The following SPIRE1 variants were observed in gnomAD, a reference collection of about 807,000 sequenced individuals.
The protein encoded by SPIRE1 is protein spire homolog 1.
A neutral mutation model predicts 94.1 loss-of-function variants in SPIRE1; 40 were observed. The ratio of observed to expected loss-of-function variants is 0.43; its 90% confidence interval spans 0.33 to 0.55. The LOEUF (loss-of-function observed/expected upper bound fraction) is 0.55. SPIRE1 is among the 20% of genes least tolerant of loss of function. The pLI, the probability that SPIRE1 is intolerant of heterozygous loss-of-function variation, is 0.06. For synonymous variants in SPIRE1, 376 were observed against 371.7 expected (o/e 1.01, Z -0.13); for missense variants, 838 against 975.2 (o/e 0.86, Z 1.87).
chr18:12,549,088 A>G (rs1034232757), intron 2 of SPIRE1, among the ~76,000 whole-genome samples: 29 of 152,178 alleles, frequency 1.9e-4, no homozygotes, highest in Admixed American at 1.9e-3. Flanking sequence ...TTGCTCTCAC[A>G]GCATGTACCA....
At chr18:12,477,222 G>A (rs965892510) in intron 10 of SPIRE1, among the ~76,000 whole-genome samples, 2 of 152,172 alleles carry the variant, frequency 1.3e-5, no homozygotes, top group African/African-American at 4.8e-5. Flanking sequence ...CTGTGGGGGT[G>A]CAGGAAGGTA....
At chr18:12,487,725 T>A (rs180939091) in intron 8 of SPIRE1, among the ~76,000 whole-genome samples, 1 of 152,304 alleles carries the variant, frequency 6.6e-6, no homozygotes, top group Admixed American at 6.5e-5. Flanking sequence ...ATTATTTATT[T>A]CCTGTTGAAG....
At chr18:12,556,086 A>C (rs2035495426) in intron 2 of SPIRE1, among the ~76,000 whole-genome samples, 1 of 152,194 alleles carries the variant, frequency 6.6e-6, no homozygotes, top group Non-Finnish European at 1.5e-5. Context: ...TACAAAAAAA[A>C]AATACCTAGG....
intron 2 of SPIRE1, among the ~76,000 whole-genome samples, chr18:12,592,433 G>A (rs1440624578): frequency 6.6e-6 from 1 of 152,136 alleles, no homozygotes; most frequent in East Asian, 1.9e-4. Flanking sequence ...AAAATGAGAA[G>A]ATTTATAAAT....
At chr18:12,654,633 C>T (rs1487728596) in intron 1 of SPIRE1, among the ~76,000 whole-genome samples, 4 of 151,238 alleles carry the variant, frequency 2.6e-5, no homozygotes, top group Admixed American at 6.6e-5. Context: ...CCAGCCTGGG[C>T]GACTGAGCGA....
rs184017857 is a variant in SPIRE1, at chr18:12,601,562, C to G, written c.372+33500G>C. 3.3e-5 allele frequency among the ~76,000 whole-genome samples: 5 copies of G among 152,288 alleles called. No homozygotes were observed. The East Asian group carries it at 9.6e-4, about 29-fold the overall frequency. ...TAAAAATATGCAACCATCACCACCA[C>G]CACATAATTTTAGAATTTGAATTTT... On this transcript the variant is annotated intron_variant, in intron 2 of 16. Transcript: ENST00000409402.
chr18:12,659,531 G>A (rs144968298), upstream of SPIRE1, among the ~76,000 whole-genome samples: 87 of 152,210 alleles, frequency 5.7e-4, no homozygotes, highest in African/African-American at 1.9e-3. Flanking sequence ...TTAGCCGAGT[G>A]TGGTGACGCA....
intron 2 of SPIRE1, among the ~76,000 whole-genome samples, chr18:12,598,885 T>A (rs2036754166): frequency 6.6e-6 from 1 of 152,202 alleles, no homozygotes; most frequent in African/African-American, 2.4e-5. Context: ...TCACTTTAAG[T>A]TTTTTGGCAT....
intron 2 of SPIRE1, among the ~76,000 whole-genome samples, chr18:12,566,115 C>A (rs2035814415): frequency 6.6e-6 from 1 of 151,140 alleles, no homozygotes; most frequent in African/African-American, 2.4e-5. Flanking sequence ...GCTGGCAGAT[C>A]ACCTGAGGTC....
chr18:12,649,737 G>C (rs1428908568), intron 1 of SPIRE1, among the ~76,000 whole-genome samples: 1 of 152,176 alleles, frequency 6.6e-6, no homozygotes, highest in African/African-American at 2.4e-5. Context: ...AACTCTTAGT[G>C]AGGCCAATGG....
chr18:12,568,638 C>T (rs992392964), intron 2 of SPIRE1, among the ~76,000 whole-genome samples: 2 of 152,170 alleles, frequency 1.3e-5, no homozygotes, highest in African/African-American at 4.8e-5. Flanking sequence ...TGGATTATGG[C>T]TAATTATATA....
chr18:12,506,727 C>T (rs1487029499), intron 5 of SPIRE1, 86 bp from the exon 6 acceptor site: 2 of 1,298,278 alleles, frequency 1.5e-6, no homozygotes, highest in Non-Finnish European at 2.1e-6. Flanking sequence ...AAATGAAGAG[C>T]TTGGATTACA....
chr18:12,460,696 G>C (rs551624080), intron 12 of SPIRE1, among the ~76,000 whole-genome samples: 1 of 146,816 alleles, frequency 6.8e-6, no homozygotes, highest in South Asian at 2.2e-4. Context: ...TGCGCAACAA[G>C]AGCGGAACTC....
At chr18:12,525,302 T>G in intron 4 of SPIRE1, among the ~76,000 whole-genome samples, 1 of 119,798 alleles carries the variant, frequency 8.3e-6, no homozygotes, top group Non-Finnish European at 1.8e-5. Context: ...AAAAAAATAA[T>G]AATAATAATA....
intron 2 of SPIRE1, among the ~76,000 whole-genome samples, chr18:12,607,058 C>T (rs1440038605): frequency 6.6e-6 from 1 of 152,146 alleles, no homozygotes; most frequent in Non-Finnish European, 1.5e-5. Context: ...AGCTTCATTA[C>T]TATGCTTGTT....
intron 2 of SPIRE1, among the ~76,000 whole-genome samples, chr18:12,574,155 A>G (rs1201293753): frequency 1.3e-5 from 2 of 152,254 alleles, no homozygotes; most frequent in Non-Finnish European, 2.9e-5. Flanking sequence ...AACAGGAGAA[A>G]GTGACTTAAG....
chr18:12,519,311 C>A (rs1052245096), intron 4 of SPIRE1, among the ~76,000 whole-genome samples: 1 of 152,024 alleles, frequency 6.6e-6, no homozygotes, highest in African/African-American at 2.4e-5. Flanking sequence ...TTCCTCTATT[C>A]TTCCAGTATT....
chr18:12,591,483 T>A (rs984068347), intron 2 of SPIRE1, among the ~76,000 whole-genome samples: 3 of 152,086 alleles, frequency 2.0e-5, no homozygotes, highest in Non-Finnish European at 4.4e-5. Context: ...TGACGTTACA[T>A]GACAAAAAAT....
intron 7 of SPIRE1, among the ~76,000 whole-genome samples, chr18:12,495,136 G>A (rs939054539): frequency 6.6e-6 from 1 of 151,106 alleles, no homozygotes; most frequent in African/African-American, 2.4e-5. Context: ...TTATGCTTTA[G>A]TTGTATACAA....
Sources: allele counts gnomAD v4.1 joint callset (sites outside exome capture counted in the v4.1 genomes callset), GRCh38; gene constraint gnomAD v4.1.1; transcripts MANE v1.5; gene names NCBI Gene and HGNC (gene_info 2026-07-23, HGNC 2026-07-21).